NFIA: variants seen among roughly 807,000 people sequenced by gnomAD.
The protein encoded by NFIA is nuclear factor 1 A-type.
Under a neutral mutation model 62.8 loss-of-function variants are expected in NFIA, and 8 were observed. The observed-to-expected ratio is 0.13, with a 90% CI of 0.07 to 0.23. The LOEUF (loss-of-function observed/expected upper bound fraction) is 0.23, where lower values mean the gene tolerates loss of function less well. Ranked by LOEUF, NFIA falls within the 10% of genes least tolerant of loss-of-function variation. The pLI is 1.00. For missense variants in NFIA, 410 were observed against 642.1 expected (o/e 0.64, Z 3.91); for synonymous variants, 235 against 238.1 (o/e 0.99, Z 0.12).
intron 7 of NFIA, among the ~76,000 whole-genome samples, chr1:61,389,472 A>C (rs1428693799): frequency 6.6e-6 from 1 of 152,216 alleles, no homozygotes; most frequent in Non-Finnish European, 1.5e-5. Flanking sequence ...AATAAGGGAT[A>C]AATATGCTGG....
intron 2 of NFIA, among the ~76,000 whole-genome samples, chr1:61,232,528 T>C (rs1654742803): frequency 6.6e-6 from 1 of 152,198 alleles, no homozygotes; most frequent in South Asian, 2.1e-4. Flanking sequence ...CATCATCCAG[T>C]ATTCTGCCTA....
intron 2 of NFIA, among the ~76,000 whole-genome samples, chr1:61,186,889 A>G (rs1651224018): frequency 6.6e-6 from 1 of 152,192 alleles, no homozygotes; most frequent in Non-Finnish European, 1.5e-5. Context: ...AAGGTCATAT[A>G]ACTATTAAAT....
intron 10 of NFIA, among the ~76,000 whole-genome samples, chr1:61,430,716 C>T (rs1667064201): frequency 6.6e-6 from 1 of 152,114 alleles, no homozygotes; most frequent in South Asian, 2.1e-4. Flanking sequence ...TTTAGCCTTG[C>T]CTTGAGCTAG....
At chr1:61,393,290 T>TCTCTCTCTCC (rs1343271825) in intron 7 of NFIA, among the ~76,000 whole-genome samples, 4 of 63,594 alleles carry the variant, frequency 6.3e-5, no homozygotes, top group Non-Finnish European at 1.0e-4. Flanking sequence ...TCTCTCTCTC[T>TCTCTCTCTCC]CCCTCTTTCT....
chr1:61,080,266 C>T (rs1489949188), upstream of NFIA, among the ~76,000 whole-genome samples: 1 of 151,224 alleles, frequency 6.6e-6, no homozygotes, highest in Non-Finnish European at 1.5e-5. Flanking sequence ...GAAATATCAG[C>T]ATTAAATTAC....
chr1:61,305,607 A>G (rs1246278898), intron 3 of NFIA, among the ~76,000 whole-genome samples: 1 of 152,112 alleles, frequency 6.6e-6, no homozygotes, highest in East Asian at 1.9e-4. Flanking sequence ...GCCCCCATGT[A>G]AGCATTTGAG....
At chr1:61,342,410 A>G (rs924471026) in intron 4 of NFIA, among the ~76,000 whole-genome samples, 1 of 152,178 alleles carries the variant, frequency 6.6e-6, no homozygotes, top group Non-Finnish European at 1.5e-5. Flanking sequence ...ACTTAATCCC[A>G]TGACTGAGGC....
At chr1:61,419,063 G>A (rs1302189205) in intron 9 of NFIA, among the ~76,000 whole-genome samples, 1 of 152,224 alleles carries the variant, frequency 6.6e-6, no homozygotes, top group Non-Finnish European at 1.5e-5. Flanking sequence ...TCAGCCATCA[G>A]AAGTAAATTT....
chr1:61,201,471 T>C (rs1652486277), intron 2 of NFIA, among the ~76,000 whole-genome samples: 2 of 150,792 alleles, frequency 1.3e-5, no homozygotes, highest in African/African-American at 4.9e-5. Context: ...AGGCAAACTT[T>C]AAAAAGTGTC....
At chr1:61,430,730 T>A (rs1237470624) in intron 10 of NFIA, among the ~76,000 whole-genome samples, 1 of 152,252 alleles carries the variant, frequency 6.6e-6, no homozygotes, top group Non-Finnish European at 1.5e-5. Context: ...GAGCTAGTTT[T>A]CTTTCAAACT....
At chr1:61,124,461 T>C (rs970471662) in intron 2 of NFIA, among the ~76,000 whole-genome samples, 6 of 152,140 alleles carry the variant, frequency 3.9e-5, no homozygotes, top group Non-Finnish European at 7.3e-5. Context: ...AAGAATTGTA[T>C]TACAAATCCT....
chr1:61,377,230 A>AAAAG (rs907809501), intron 6 of NFIA, among the ~76,000 whole-genome samples: 19 of 151,948 alleles, frequency 1.3e-4, no homozygotes, highest in African/African-American at 4.6e-4. Context: ...CTCAAAAAAA[A>AAAAG]GAAAGAAAGA....
At chr1:61,281,956 A>C (rs1268460108) in intron 3 of NFIA, among the ~76,000 whole-genome samples, 1 of 152,108 alleles carries the variant, frequency 6.6e-6, no homozygotes, top group Non-Finnish European at 1.5e-5. Flanking sequence ...GTATCTGTTC[A>C]CTCTTGATTT....
At chr1:61,154,652 A>G (rs1648664030) in intron 2 of NFIA, among the ~76,000 whole-genome samples, 1 of 152,136 alleles carries the variant, frequency 6.6e-6, no homozygotes, top group Admixed American at 6.5e-5. Context: ...GGGTTTTGCC[A>G]TGTTGCCCAG....
At chr1:61,421,677 T>C (rs1569838052) in intron 9 of NFIA, among the ~76,000 whole-genome samples, 1 of 152,154 alleles carries the variant, frequency 6.6e-6, no homozygotes, top group South Asian at 2.1e-4. Flanking sequence ...CTCAAGTAGG[T>C]CAGCCTCAGG....
At chr1:61,257,331 T>TG (rs1656466630) in intron 2 of NFIA, among the ~76,000 whole-genome samples, 2 of 21,490 alleles carry the variant, frequency 9.3e-5, no homozygotes, top group African/African-American at 3.7e-4. Flanking sequence ...ACTGCGTTGT[T>TG]TTTTTTTTTT....
At chr1:61,334,313 G>A (rs376769738) in intron 4 of NFIA, among the ~76,000 whole-genome samples, 6 of 151,888 alleles carry the variant, frequency 4.0e-5, no homozygotes, top group African/African-American at 4.8e-5. Context: ...AGTACCAACC[G>A]GTTAAGTAGA....
chr1:61,456,432 C>A lies in NFIA; in HGVS notation c.*1112C>A, dbSNP rs1569932085. The A allele has an allele frequency of 6.7e-6, 1 of 150,194 alleles. No homozygotes were observed. The highest frequency in any genetic ancestry group is 1.5e-5 in the Non-Finnish European group (1 of 67,614). 9.3% of individuals were successfully genotyped at this position (150,194 alleles called of 1,614,324 possible). A position where few individuals can be genotyped will look rare whatever the true frequency, so the allele number is the denominator to read the frequency against. On this transcript the variant is annotated 3_prime_UTR_variant, in exon 11 of 11. Transcript: ENST00000403491. ...TGCTTTTACCACAATATGTTAACTA[C>A]ATTAAATGCTAATTAATTATTTTCT...
intron 4 of NFIA, among the ~76,000 whole-genome samples, chr1:61,343,498 G>A (rs1337714011): frequency 1.3e-5 from 2 of 152,192 alleles, no homozygotes; most frequent in Admixed American, 6.5e-5. Flanking sequence ...CTTTCATGGG[G>A]TTAAAAAATA....
Sources: allele counts gnomAD v4.1 joint callset (sites outside exome capture counted in the v4.1 genomes callset), GRCh38; gene constraint gnomAD v4.1.1; transcripts MANE v1.5; gene names NCBI Gene and HGNC (gene_info 2026-07-23, HGNC 2026-07-21).